Variants in CRB1 observed in about 807,000 individuals in gnomAD.
The protein encoded by CRB1 is crumbs cell polarity complex component 1.
A neutral mutation model predicts 120.0 loss-of-function variants in CRB1; 83 were observed. The ratio of observed to expected loss-of-function variants is 0.69; its 90% CI spans 0.58 to 0.83. The LOEUF (loss-of-function observed/expected upper bound fraction) is 0.83. CRB1 is among the 40% of genes least tolerant of loss of function. The probability of loss-of-function intolerance (pLI) is 0.00; values close to 1 mark genes in which losing one functional copy is unlikely to be tolerated. For synonymous variants in CRB1, 625 were observed against 612.5 expected, an observed-to-expected ratio of 1.02 and a Z score of -0.30; for missense variants, 1,699 against 1,687.6, an observed-to-expected ratio of 1.01 and a Z score of -0.12.
At chr1:197,387,618 C>G (rs980864955) in intron 5 of CRB1, among the ~76,000 whole-genome samples, 4 of 151,846 alleles carry the variant, frequency 2.6e-5, no homozygotes, top group Non-Finnish European at 5.9e-5. Context: ...TTTCCAGGAA[C>G]CTTCAGTTAA....
In CRB1 at chr1:197,427,610, A is replaced by T; in HGVS notation, c.2285A>T (p.Tyr762Phe). The T allele has an allele frequency of 3.7e-6, 6 of 1,613,984 alleles. No individual in the cohort carries two copies. Among genetic ancestry groups the T allele is most frequent in the Non-Finnish European group, 5.1e-6 (6 of 1,179,976 alleles). ...LLALENSTYQ[Y>F]IRVWLERGRL... ...GCTTTGGAAAACAGCACTTATCAAT[A>T]TATCCGTGTCTGGCTAGAGCGCGGC... Residue 762 changes from tyrosine (Y) to phenylalanine (F), a missense_variant, in exon 7 of 12, where the codon TAT (tyrosine) becomes TTT (phenylalanine). Physicochemically the swap from Tyr to Phe is conservative, Grantham distance 22. Transcript: ENST00000367400.
Position 197,424,638 on chromosome 1 carries a change from A to G in CRB1, c.2128+2682A>G, listed in dbSNP as rs569344122. 3.9e-5 allele frequency among the ~76,000 whole-genome samples: 6 copies of G among 152,306 alleles called. 1 individual carries two copies. Among genetic ancestry groups the G allele is most frequent in the Middle Eastern group, 3.4e-3 (1 of 294 alleles). ...GTGCTTCTGTTTTTCAGCTTAATAC[A>G]ACATTGACTTTTTGGCAGCCACACT... On this transcript the variant is annotated intron_variant, in intron 6 of 11. Transcript: ENST00000367400.
chr1:197,314,362 C>T (rs901017145), intron 1 of CRB1, among the ~76,000 whole-genome samples: 6 of 152,154 alleles, frequency 3.9e-5, no homozygotes, highest in African/African-American at 1.4e-4. Context: ...CTGAAATTCT[C>T]ATTGGGTCCT....
intron 10 of CRB1, chr1:197,441,303 A>G (rs1364105700): frequency 6.6e-6 from 1 of 152,218 alleles, no homozygotes; most frequent in African/African-American, 2.4e-5. Context: ...TATGTGTTAA[A>G]TAAATATCCA....
At chr1:197,446,302 G>T (rs542366407) in intron 11 of CRB1, among the ~76,000 whole-genome samples, 4 of 152,278 alleles carry the variant, frequency 2.6e-5, no homozygotes, top group African/African-American at 9.6e-5. Flanking sequence ...CTTACAGGTG[G>T]GTATAGAAGG....
the CRB1 span, among the ~76,000 whole-genome samples, chr1:197,226,326 C>A: frequency 6.6e-6 from 1 of 152,172 alleles, no homozygotes; most frequent in Admixed American, 6.5e-5. Flanking sequence ...TTTTAAAGAT[C>A]ATTTCTACCT....
At chr1:197,325,428 T>G (rs904539282) in intron 1 of CRB1, among the ~76,000 whole-genome samples, 1 of 152,230 alleles carries the variant, frequency 6.6e-6, no homozygotes, top group Non-Finnish European at 1.5e-5. Context: ...GGTGAAACGA[T>G]GTAAGACACC....
At chr1:197,438,700 A>G in intron 10 of CRB1, 25 bp downstream of exon 10, 1 of 1,610,284 alleles carries the variant, frequency 6.2e-7, no homozygotes, top group Middle Eastern at 1.7e-4. Context: ...AGCCTTCTGG[A>G]AGAGAATTCT....
At chr1:197,393,211 CA>C (rs1195659600) in intron 5 of CRB1, among the ~76,000 whole-genome samples, 4 of 151,886 alleles carry the variant, frequency 2.6e-5, no homozygotes, top group Non-Finnish European at 5.9e-5. Flanking sequence ...CAAAAAGTAC[CA>C]AAAAATAGTA....
chr1:197,458,784 G>T (rs1281172634), intron 11 of CRB1, among the ~76,000 whole-genome samples: 1 of 152,082 alleles, frequency 6.6e-6, no homozygotes, highest in Non-Finnish European at 1.5e-5. Flanking sequence ...TAATTCTTAT[G>T]ACAATACTTT....
intron 11 of CRB1, among the ~76,000 whole-genome samples, chr1:197,460,228 T>C (rs1049432711): frequency 2.0e-4 from 30 of 152,066 alleles, no homozygotes; most frequent in Non-Finnish European, 3.7e-4. Context: ...TCTGGGGCAA[T>C]AGACTGATGT....
chr1:197,420,992 T>C lies in CRB1; in HGVS notation c.1172-8T>C. 6.7e-7 allele frequency: 1 copy of C among 1,487,532 alleles called. No homozygotes were observed. Among genetic ancestry groups the C allele is most frequent in the South Asian group, 1.1e-5 (1 of 88,580 alleles). The allele number at this position is 1,487,532 out of a possible 1,614,324, so 92.1% of individuals were successfully genotyped here. A position where few individuals can be genotyped will look rare whatever the true frequency, so the allele number is the denominator to read the frequency against. Reference sequence around the variant, plus strand: ...ATATAATTTTAGCCCTTTTTTATTATTTAACAGGAATCCACTGCGAAGAAG... The same window carrying C: ...ATATAATTTTAGCCCTTTTTTATTACTTAACAGGAATCCACTGCGAAGAAG... On this transcript the variant is annotated splice_polypyrimidine_tract_variant and splice_region_variant and intron_variant, in intron 5 of 11. Coordinates refer to ENST00000367400, the MANE Select transcript of CRB1 (RefSeq NM_201253.3).
intron 11 of CRB1, 22 bp downstream of exon 11, chr1:197,442,314 GTC>G (rs890309446): frequency 3.1e-6 from 5 of 1,613,878 alleles, no homozygotes; most frequent in South Asian, 1.1e-5. Flanking sequence ...CTCCTTTTAT[GTC>G]TCTCTCTTAT....
chr1:197,443,483 G>A (rs1665558043), intron 11 of CRB1: 1 of 151,482 alleles, frequency 6.6e-6, no homozygotes, highest in African/African-American at 2.4e-5. Flanking sequence ...TCTATCAAAT[G>A]GACTAATTTC....
rs186304868 is a variant in CRB1, at chr1:197,315,584, C to T, written c.71-12838C>T. Among the ~76,000 whole-genome samples, 700 of 152,306 alleles carry T rather than the reference C, an allele frequency of 4.6e-3. 4 individuals are homozygous for T. The highest frequency in any genetic ancestry group is 0.011 in the South Asian group (52 of 4,828). On this transcript the variant is annotated intron_variant, in intron 1 of 11. Transcript: ENST00000367400. ...TAATTTTTCCATTCATATAGACTCTCTAAGAGTGAAATTATACTTCATGAA... is the reference window on the plus strand; with the variant it reads ...TAATTTTTCCATTCATATAGACTCTTTAAGAGTGAAATTATACTTCATGAA...
rs956690432 is a variant in CRB1 at position 197,316,757 on chromosome 1, A to G, written c.71-11665A>G. ...CATGATATTACATGGAGAACACCCC[A>G]ATGACTTCACCAAAAAACCATTAAA... On this transcript the variant is annotated intron_variant, in intron 1 of 11. Coordinates refer to ENST00000367400, the MANE Select transcript of CRB1 (RefSeq NM_201253.3). 2.6e-5 allele frequency among the ~76,000 whole-genome samples: 4 copies of G among 152,158 alleles called. No individual in the cohort carries two copies. In the East Asian group the frequency reaches 5.8e-4, roughly 22 times the overall value.
the CRB1 span, among the ~76,000 whole-genome samples, chr1:197,221,670 A>G: frequency 5.3e-5 from 8 of 152,170 alleles, no homozygotes; most frequent in East Asian, 1.9e-4. Context: ...CCCATATTCA[A>G]TTTCCTTTGT....
chr1:197,349,784 C>A (rs1485138297), intron 4 of CRB1, among the ~76,000 whole-genome samples: 1 of 152,166 alleles, frequency 6.6e-6, no homozygotes, highest in Non-Finnish European at 1.5e-5. Flanking sequence ...ATTTGCTAAC[C>A]TTTGGTCATC....
At chr1:197,471,921 T>G (rs1321715627) in intron 11 of CRB1, among the ~76,000 whole-genome samples, 4 of 152,178 alleles carry the variant, frequency 2.6e-5, no homozygotes, top group Non-Finnish European at 4.4e-5. Context: ...CTCTCCAAAT[T>G]TGTATTCCTT....
Sources: allele counts gnomAD v4.1 joint callset (sites outside exome capture counted in the v4.1 genomes callset), GRCh38; gene constraint gnomAD v4.1.1; transcripts MANE v1.5; gene names NCBI Gene and HGNC (gene_info 2026-07-23, HGNC 2026-07-21).